Variants in PARD6G observed in about 807,000 individuals in gnomAD.
PARD6G encodes the protein partitioning defective 6 homolog gamma.
A neutral mutation model predicts 10.7 loss-of-function variants in PARD6G; 7 were observed. The observed-to-expected ratio is 0.66, with a 90% CI of 0.37 to 1.23. PARD6G has a LOEUF of 1.23. Among genes scored for constraint, PARD6G ranks in the 50% most tolerant of loss-of-function variants. The pLI is 0.02. For missense variants in PARD6G, 548 were observed against 571.8 expected, an observed-to-expected ratio of 0.96 and a Z score of 0.42; for synonymous variants, 287 against 269.4, an observed-to-expected ratio of 1.07 and a Z score of -0.64.
chr18:80,241,414 C>T (rs746773458), intron 1 of PARD6G, among the ~76,000 whole-genome samples: 9 of 152,122 alleles, frequency 5.9e-5, no homozygotes, highest in Non-Finnish European at 1.2e-4. Context: ...AACGAACCCA[C>T]GTTACAGTAT....
At chr18:80,205,571 C>T (rs992250846) in intron 1 of PARD6G, among the ~76,000 whole-genome samples, 3 of 152,116 alleles carry the variant, frequency 2.0e-5, no homozygotes, top group Non-Finnish European at 4.4e-5. Flanking sequence ...TGAGTGATCA[C>T]GAGATCTGGT....
At chr18:80,214,457 C>T (rs1450990578) in intron 1 of PARD6G, among the ~76,000 whole-genome samples, 1 of 151,312 alleles carries the variant, frequency 6.6e-6, no homozygotes, top group Non-Finnish European at 1.5e-5. Context: ...CAGAGCGAGA[C>T]TACATTTCAA....
chr18:80,170,241 A>T (rs1274133095), intron 2 of PARD6G: 1 of 152,272 alleles, frequency 6.6e-6, no homozygotes. Context: ...CCTGTTGTGT[A>T]CTGACTAGTC....
chr18:80,246,347 T>C lies in PARD6G; in HGVS notation c.72+930A>G, dbSNP rs1330848905. The stretch of plus-strand genomic sequence containing the variant: ...AAGGAGACCCTCACAAACAATAGCA[T>C]CTGCGGCGAAGGAACCACCCCCGCA... On this transcript the variant is annotated intron_variant, in intron 1 of 2. Coordinates refer to ENST00000353265, the MANE Select transcript of PARD6G (RefSeq NM_032510.4). The surrounding 1 kb of genome is among the most constrained non-coding windows in gnomAD (Gnocchi z 6.7). 6.6e-6 allele frequency among the ~76,000 whole-genome samples: 1 copy of C among 152,080 alleles called. No homozygotes were observed. Among genetic ancestry groups the C allele is most frequent in the Admixed American group, 6.5e-5 (1 of 15,286 alleles).
chr18:80,202,866 T>G lies in PARD6G; in HGVS notation c.139A>C (p.Lys47Gln), dbSNP rs763904273. 1 of 1,604,104 alleles carries G rather than the reference T, an allele frequency of 6.2e-7. No homozygotes were observed. The highest frequency in any genetic ancestry group is 1.7e-5 in the Admixed American group (1 of 58,044). The part of the protein sequence containing the change: ...HKPGKFEDFY[K>Q]LVVHTHHISN... ...ATATGGTGGGTGTGCACAACCAGCT[T>G]GTAGAAATCTTCAAACTTCCCAGGC... Residue 47 changes from lysine (K) to glutamine (Q), a missense_variant, in exon 2 of 3, where the codon AAG (lysine) becomes CAG (glutamine). Lys to Gln is a moderately conservative substitution (Grantham distance 53). Around this residue, in one of 2 missense-constraint regions of PARD6G, gnomAD observed 235 missense variants for 291.9 expected, o/e 0.81. Coordinates refer to ENST00000353265, the MANE Select transcript of PARD6G (RefSeq NM_032510.4).
intron 1 of PARD6G, among the ~76,000 whole-genome samples, chr18:80,208,763 A>G (rs4799146): frequency 0.15 from 23,400 of 152,068 alleles, 2,509 homozygotes; most frequent in East Asian, 0.44. Flanking sequence ...CAAATTTCCT[A>G]AAAAAGATTG....
chr18:80,193,781 C>T (rs943581968), intron 2 of PARD6G, among the ~76,000 whole-genome samples: 1 of 152,182 alleles, frequency 6.6e-6, no homozygotes, highest in African/African-American at 2.4e-5. Flanking sequence ...GAAGTACTGG[C>T]AGGAAGGCGG....
At chr18:80,193,253 G>C (rs1314069533) in intron 2 of PARD6G, among the ~76,000 whole-genome samples, 2 of 152,136 alleles carry the variant, frequency 1.3e-5, no homozygotes, top group Non-Finnish European at 2.9e-5. Flanking sequence ...CAGGGGAGGA[G>C]GGTCGGCCTC....
rs947297095 is a variant in PARD6G at position 80,200,047 on chromosome 18, A to G, written c.295+2663T>C. On this transcript the variant is annotated intron_variant, in intron 2 of 2. Coordinates refer to ENST00000353265, the MANE Select transcript of PARD6G (RefSeq NM_032510.4). This position sits in a 1 kb window ranked among gnomAD's most constrained non-coding sequence, Gnocchi z 4.4. ...GTGATAGTAAATTCCCTCTTAACATATATTTAAATAAAATACGTCCGTGTA... is the reference window on the plus strand; with the variant it reads ...GTGATAGTAAATTCCCTCTTAACATGTATTTAAATAAAATACGTCCGTGTA... Among the ~76,000 whole-genome samples the G allele has an allele frequency of 4.6e-5, 7 of 152,218 alleles. No individual in the cohort carries two copies. The highest frequency in any genetic ancestry group is 1.7e-4 in the African/African-American group (7 of 41,446).
At chr18:80,177,068 C>A (rs1426256170) in intron 2 of PARD6G, among the ~76,000 whole-genome samples, 9 of 139,368 alleles carry the variant, frequency 6.5e-5, no homozygotes, top group Admixed American at 5.7e-4. Flanking sequence ...AATCACAGCC[C>A]AAATGGAAAG....
intron 1 of PARD6G, among the ~76,000 whole-genome samples, chr18:80,216,867 T>A (rs998586338): frequency 6.6e-6 from 1 of 152,032 alleles, no homozygotes; most frequent in African/African-American, 2.4e-5. Flanking sequence ...TTAGGTAAAC[T>A]AACCAAGAAA....
intron 2 of PARD6G, among the ~76,000 whole-genome samples, chr18:80,185,274 C>T (rs2052868008): frequency 6.6e-6 from 1 of 151,958 alleles, no homozygotes; most frequent in Admixed American, 6.5e-5. Flanking sequence ...ACAGGTGACA[C>T]ACTCACAGGG....
At chr18:80,164,863 T>G (rs2052724743) in intron 2 of PARD6G, among the ~76,000 whole-genome samples, 1 of 152,004 alleles carries the variant, frequency 6.6e-6, no homozygotes, top group Admixed American at 6.6e-5. Flanking sequence ...GGTACAAAGA[T>G]CACATGCTTC....
chr18:80,163,839 T>C (rs1016855892), intron 2 of PARD6G, among the ~76,000 whole-genome samples: 2 of 152,148 alleles, frequency 1.3e-5, no homozygotes, highest in African/African-American at 4.8e-5. Flanking sequence ...CCTCCTAAGT[T>C]CAACAAAAAC....
chr18:80,164,744 C>G (rs1273219074), intron 2 of PARD6G, among the ~76,000 whole-genome samples: 1 of 152,196 alleles, frequency 6.6e-6, no homozygotes, highest in Non-Finnish European at 1.5e-5. Flanking sequence ...AGCTGGGCCA[C>G]CAGGGATGAC....
Position 80,183,112 on chromosome 18 carries a change from A to G in PARD6G, c.295+19598T>C. 1 of 702,952 alleles carries G rather than the reference A, an allele frequency of 1.4e-6. No homozygotes were observed. 43.5% of individuals were successfully genotyped at this position (702,952 alleles called of 1,614,324 possible). On this transcript the variant is annotated intron_variant, in intron 2 of 2. Coordinates refer to ENST00000353265, the MANE Select transcript of PARD6G (RefSeq NM_032510.4). This position sits in a 1 kb window ranked among gnomAD's most constrained non-coding sequence, Gnocchi z 4.5. ...AGTCCCCCTTTCAAACCAAGATTTG[A>G]GCTGAAGAGTCAGGTTCCTGGTCGC...
chr18:80,159,502 G>T lies in PARD6G; in HGVS notation c.*269C>A. 1 of 390,624 alleles carries T rather than the reference G, an allele frequency of 2.6e-6. No individual in the cohort carries two copies. The highest frequency in any genetic ancestry group is 4.4e-6 in the Non-Finnish European group (1 of 229,542). 24.2% of individuals were successfully genotyped at this position (390,624 alleles called of 1,614,324 possible). ...TTTTAAAAAGCATTTTTTTGCACTT[G>T]GTCAGATCTTTTCTATCACTTTGCA... On this transcript the variant is annotated 3_prime_UTR_variant, in exon 3 of 3. Coordinates refer to ENST00000353265, the MANE Select transcript of PARD6G (RefSeq NM_032510.4).
intron 2 of PARD6G, among the ~76,000 whole-genome samples, chr18:80,186,418 C>T (rs1436624103): frequency 7.0e-6 from 1 of 141,966 alleles, no homozygotes; most frequent in Admixed American, 6.8e-5. Context: ...CTCACACACG[C>T]ATATGCCCTC....
At chr18:80,242,634 T>G (rs964324280) in intron 1 of PARD6G, among the ~76,000 whole-genome samples, 9 of 152,150 alleles carry the variant, frequency 5.9e-5, no homozygotes, top group Non-Finnish European at 8.8e-5. Flanking sequence ...CACAACACTC[T>G]CAGAGCCAGT....
Sources: gnomAD v4.1 joint callset for allele counts (sites outside exome capture counted in the v4.1 genomes callset) on GRCh38, gnomAD v4.1.1 for gene constraint, gnomAD v4.1.1 regional missense constraint, Gnocchi (gnomAD v3.1) non-coding constraint, MANE v1.5 for transcripts, NCBI Gene and HGNC (gene_info 2026-07-23, HGNC 2026-07-21) for gene names.